Variants in ATP11A observed in about 807,000 individuals in gnomAD.
ATP11A encodes ATPase phospholipid transporting 11A, also known as phospholipid-transporting ATPase IH.
A neutral mutation model predicts 154.4 loss-of-function variants in ATP11A; 81 were observed. That is an observed-to-expected ratio of 0.52 (90% CI 0.44 to 0.63). The LOEUF (loss-of-function observed/expected upper bound fraction) is 0.63. Among genes scored for constraint, ATP11A ranks in the 30% least tolerant of loss-of-function variants. The pLI is 0.00. For synonymous variants in ATP11A, 623 were observed against 585.9 expected, an observed-to-expected ratio of 1.06 and a Z score of -0.91; for missense variants, 1,316 against 1,474.3, an observed-to-expected ratio of 0.89 and a Z score of 1.76.
intron 6 of ATP11A, among the ~76,000 whole-genome samples, chr13:112,818,105 G>A (rs2078692169): frequency 6.6e-6 from 1 of 152,078 alleles, no homozygotes; most frequent in Non-Finnish European, 1.5e-5. Context: ...TGGTGTGCTT[G>A]GTGACGGAAC....
rs139389119 is a variant in ATP11A at position 112,836,346 on chromosome 13, G to T, written c.1705+95G>T. On this transcript the variant is annotated intron_variant, in intron 16 of 29. Coordinates refer to ENST00000375645, the MANE Select transcript of ATP11A (RefSeq NM_015205.3). ...TCTACAGGAGCTTTAAGGATTTAGG[G>T]TTTAAGAATGATTTATTCTTTTTTT... 4.7e-4 allele frequency: 319 copies of T among 672,914 alleles called. 1 individual carries two copies. The highest frequency in any genetic ancestry group is 4.6e-3 in the African/African-American group (256 of 55,322). 41.7% of individuals were successfully genotyped at this position (672,914 alleles called of 1,614,324 possible). A position where few individuals can be genotyped will look rare whatever the true frequency, so the allele number is the denominator to read the frequency against.
intron 25 of ATP11A, among the ~76,000 whole-genome samples, chr13:112,865,698 C>T (rs372011386): frequency 1.6e-4 from 24 of 152,294 alleles, no homozygotes; most frequent in East Asian, 1.5e-3. Flanking sequence ...TACAGGCGCC[C>T]GCCACCACGC....
chr13:112,770,881 C>A (rs9577836), intron 1 of ATP11A, among the ~76,000 whole-genome samples: 1 of 152,070 alleles, frequency 6.6e-6, no homozygotes, highest in Non-Finnish European at 1.5e-5. Context: ...AAGCTATACA[C>A]GGACGGCAGA....
At chr13:112,773,859 G>A (rs1180779887) in intron 1 of ATP11A, among the ~76,000 whole-genome samples, 1 of 151,400 alleles carries the variant, frequency 6.6e-6, no homozygotes, top group East Asian at 1.9e-4. Context: ...GGATTTCCAC[G>A]CCACCTCCAC....
intron 17 of ATP11A, among the ~76,000 whole-genome samples, chr13:112,845,699 G>GT (rs1347509109): frequency 1.7e-4 from 20 of 115,718 alleles, no homozygotes; most frequent in African/African-American, 9.3e-4. Flanking sequence ...CAGTCCAGTT[G>GT]CTGGCACTAG....
At chr13:112,789,628 G>A (rs530291856) in intron 2 of ATP11A, among the ~76,000 whole-genome samples, 5 of 137,952 alleles carry the variant, frequency 3.6e-5, no homozygotes, top group South Asian at 2.5e-4. Context: ...AATTCACACC[G>A]GGTATTCTGA....
intron 1 of ATP11A, among the ~76,000 whole-genome samples, chr13:112,722,274 G>A (rs574928552): frequency 4.6e-5 from 7 of 150,898 alleles, no homozygotes; most frequent in African/African-American, 1.7e-4. Context: ...GGGCCGGCGG[G>A]GGGTAGGGGG....
intron 1 of ATP11A, among the ~76,000 whole-genome samples, chr13:112,701,029 C>T (rs1424481148): frequency 6.6e-6 from 1 of 152,206 alleles, no homozygotes; most frequent in Non-Finnish European, 1.5e-5. Flanking sequence ...GATCAGCCGA[C>T]CCCAGGTCGC....
chr13:112,703,845 G>T (rs1367915561), intron 1 of ATP11A, among the ~76,000 whole-genome samples: 2 of 152,118 alleles, frequency 1.3e-5, no homozygotes, highest in African/African-American at 4.8e-5. Flanking sequence ...ACAGCATCTG[G>T]CTTATTGACA....
chr13:112,779,921 A>C (rs1293115785), intron 1 of ATP11A, among the ~76,000 whole-genome samples: 2 of 152,154 alleles, frequency 1.3e-5, no homozygotes, highest in African/African-American at 2.4e-5. Flanking sequence ...AAGAAAAAAA[A>C]AAAAGAATGA....
chr13:112,834,098 T>C (rs1390880336), intron 14 of ATP11A, among the ~76,000 whole-genome samples: 1 of 152,108 alleles, frequency 6.6e-6, no homozygotes, highest in Non-Finnish European at 1.5e-5. Flanking sequence ...GGAGGAGGCA[T>C]TGTATAGATG....
chr13:112,828,118 G>GAAGCGCCCAGCAGCGTTGAGTGGGGGGA, intron 12 of ATP11A, among the ~76,000 whole-genome samples: 1 of 122,388 alleles, frequency 8.2e-6, no homozygotes, highest in Non-Finnish European at 1.7e-5. Context: ...TGAGTGGGGG[G>GAAGCGCCCAGCAGCGTTGAGTGGGGGGA]AAGCGCCCAG....
At position 112,826,895 on chromosome 13, in the gene ATP11A, G is replaced by A. The variant is rs201934262; in HGVS notation, c.1221+4G>A. On this transcript the variant is annotated splice_donor_region_variant and intron_variant, in intron 12 of 29. Transcript: ENST00000375645. ...CCTCAATGAAGAGCTGGGACAGGTT[G>A]GTGTCTCCTGAGTCATCTGCTGTGA... 1.2e-5 allele frequency: 20 copies of A among 1,614,138 alleles called. No homozygotes were observed. The highest frequency in any genetic ancestry group is 3.3e-5 in the Admixed American group (2 of 60,030).
rs2080066364 is a variant in ATP11A, at chr13:112,860,370, G to A, written c.2811G>A (p.Gln937=). The A allele has an allele frequency of 6.2e-7, 1 of 1,614,148 alleles. No homozygotes were observed. Among genetic ancestry groups the A allele is most frequent in the Non-Finnish European group, 8.5e-7 (1 of 1,180,024 alleles). ...LPILLYSLME[Q]HVGIDVLKRD... is the part of the protein sequence containing the mutation. ...TCCTCCTGTACAGCCTCATGGAGCA[G>A]CATGTTGGCATTGACGTGCTCAAGA... Residue 937 remains glutamine (Q), a synonymous_variant, in exon 24 of 30, where the codon CAG becomes CAA. Coordinates refer to ENST00000375645, the MANE Select transcript of ATP11A (RefSeq NM_015205.3).
chr13:112,879,004 G>A (rs1000343109), intron 29 of ATP11A, among the ~76,000 whole-genome samples: 77 of 152,162 alleles, frequency 5.1e-4, no homozygotes, highest in Non-Finnish European at 1.2e-4. Flanking sequence ...GCCTTTCTGG[G>A]CAATGTAGAG....
rs1885092455 is a variant in ATP11A at position 112,690,989 on chromosome 13, T to C, written c.39+534T>C. 6.6e-6 allele frequency among the ~76,000 whole-genome samples: 1 copy of C among 152,244 alleles called. No individual in the cohort carries two copies. The highest frequency in any genetic ancestry group is 2.4e-5 in the African/African-American group (1 of 41,472). On this transcript the variant is annotated intron_variant, in intron 1 of 29. Coordinates refer to ENST00000375645, the MANE Select transcript of ATP11A (RefSeq NM_015205.3). The surrounding 1 kb of genome is among the most constrained non-coding windows in gnomAD (Gnocchi z 5.6). ...TTCAGAAGCGGAGTTTGGAATCTTT[T>C]TATTTTTTACCTTAAAGTAACCAAT...
At chr13:112,738,741 C>G (rs1287725882) in intron 1 of ATP11A, among the ~76,000 whole-genome samples, 1 of 146,936 alleles carries the variant, frequency 6.8e-6, no homozygotes, top group East Asian at 2.2e-4. Context: ...TCCCCCAGGT[C>G]CCAGCCGTCA....
At position 112,696,547 on chromosome 13, in the gene ATP11A, G is replaced by A. The variant is rs1054403992; in HGVS notation, c.39+6092G>A. Among the ~76,000 whole-genome samples, 2 of 152,252 alleles carry A rather than the reference G, an allele frequency of 1.3e-5. No homozygotes were observed. Among genetic ancestry groups the A allele is most frequent in the African/African-American group, 2.4e-5 (1 of 41,544 alleles). On this transcript the variant is annotated intron_variant, in intron 1 of 29. Transcript: ENST00000375645. The surrounding 1 kb of genome is among the most constrained non-coding windows in gnomAD (Gnocchi z 6.2). ...CTGCCCTGCTGCTTGCCGTCCCGCT[G>A]TTGGCACCGCTTTAGACCCCATATT...
At chr13:112,757,184 GC>G (rs2076861358) in intron 1 of ATP11A, among the ~76,000 whole-genome samples, 1 of 152,224 alleles carries the variant, frequency 6.6e-6, no homozygotes, top group African/African-American at 2.4e-5. Flanking sequence ...GAGAATGGCC[GC>G]CTGTGACAGA....
Sources: gnomAD v4.1 joint callset for allele counts (sites outside exome capture counted in the v4.1 genomes callset) on GRCh38, gnomAD v4.1.1 for gene constraint, Gnocchi (gnomAD v3.1) non-coding constraint, MANE v1.5 for transcripts, NCBI Gene and HGNC (gene_info 2026-07-23, HGNC 2026-07-21) for gene names.